PTPRD: variants seen among roughly 807,000 people sequenced by gnomAD.
PTPRD encodes protein tyrosine phosphatase receptor type D.
In PTPRD, 34 loss-of-function variants were observed where a neutral mutation model predicts 214.5. The ratio of observed to expected loss-of-function variants is 0.16; its 90% CI spans 0.12 to 0.21. PTPRD has a LOEUF of 0.21. Ranked by LOEUF, PTPRD falls within the 10% of genes least tolerant of loss-of-function variation. The probability of loss-of-function intolerance (pLI) is 1.00; values close to 1 mark genes in which losing one functional copy is unlikely to be tolerated. For missense variants in PTPRD, 2,545 were observed against 2,398.7 expected, an observed-to-expected ratio of 1.06 and a Z score of -1.27; for synonymous variants, 1,128 against 845.7, an observed-to-expected ratio of 1.33 and a Z score of -5.79.
intron 2 of PTPRD, among the ~76,000 whole-genome samples, chr9:10,563,269 C>G (rs139812163): frequency 5.5e-4 from 84 of 152,240 alleles, no homozygotes; most frequent in African/African-American, 1.9e-3. Flanking sequence ...AGAAAGGAAT[C>G]CTTTCCTTTT....
chr9:10,085,053 T>A (rs1168928351), intron 3 of PTPRD, among the ~76,000 whole-genome samples: 1 of 151,110 alleles, frequency 6.6e-6, no homozygotes, highest in African/African-American at 2.5e-5. Context: ...GGGTGTGTAG[T>A]ATGGTGGGCT....
rs927507287 is a variant in PTPRD at position 9,380,366 on chromosome 9, T to G, written c.-203+17083A>C. On this transcript the variant is annotated intron_variant, in intron 9 of 45. Transcript: ENST00000381196. ...AAGAATGCAATTTATTATTTATATATTTGTTTTTAATTTTAATTTTTGTGG... is the reference window on the plus strand; with the variant it reads ...AAGAATGCAATTTATTATTTATATAGTTGTTTTTAATTTTAATTTTTGTGG... 2.0e-5 allele frequency among the ~76,000 whole-genome samples: 3 copies of G among 152,120 alleles called. No individual in the cohort carries two copies. In the East Asian group the frequency reaches 5.8e-4, roughly 29 times the overall value.
intron 39 of PTPRD, among the ~76,000 whole-genome samples, chr9:8,375,482 A>T (rs1289865112): frequency 6.6e-6 from 1 of 152,062 alleles, no homozygotes; most frequent in Non-Finnish European, 1.5e-5. Context: ...AGGCATCTTT[A>T]AGCAATAAGA....
chr9:9,732,486 C>T (rs1277832168), intron 7 of PTPRD, among the ~76,000 whole-genome samples: 1 of 152,022 alleles, frequency 6.6e-6, no homozygotes, highest in African/African-American at 2.4e-5. Flanking sequence ...ATTGGAAATT[C>T]ATACTGACAA....
rs566414644 is a variant in PTPRD, at chr9:8,416,166, T to A, written c.4087-11506A>T. On this transcript the variant is annotated intron_variant, in intron 35 of 45. Transcript: ENST00000381196. ...AGCCTTAATATAATAGTAGATTATA[T>A]GAAAAAGTGTGAAGCTATTAAAATT... Among the ~76,000 whole-genome samples the A allele has an allele frequency of 4.6e-5, 7 of 152,230 alleles. No individual in the cohort carries two copies. In the South Asian group the frequency reaches 1.4e-3, roughly 32 times the overall value.
intron 11 of PTPRD, among the ~76,000 whole-genome samples, chr9:8,918,103 C>T (rs2098799395): frequency 6.6e-6 from 1 of 152,152 alleles, no homozygotes; most frequent in Non-Finnish European, 1.5e-5. Flanking sequence ...AGTTGCTAAT[C>T]ACACTCACCT....
At chr9:10,016,494 G>T (rs535706306) in intron 4 of PTPRD, among the ~76,000 whole-genome samples, 20 of 152,210 alleles carry the variant, frequency 1.3e-4, no homozygotes, top group Admixed American at 1.0e-3. Context: ...AAAACTGTGG[G>T]TGAAAGTTAG....
In PTPRD at chr9:9,290,139, A is replaced by G. The variant is rs146111761; in HGVS notation, c.-202-106776T>C. Among the ~76,000 whole-genome samples the G allele has an allele frequency of 7.6e-3, 1,161 of 151,770 alleles. 14 individuals are homozygous for G. Among genetic ancestry groups the G allele is most frequent in the African/African-American group, 0.027 (1,112 of 41,490 alleles). On this transcript the variant is annotated intron_variant, in intron 9 of 45. Coordinates refer to ENST00000381196, the MANE Select transcript of PTPRD (RefSeq NM_002839.4). ...ACACTTGTTACCTCTTGTCTTTTTC[A>G]TAATAGCCATTCAAACAGATGTGAG...
rs10977444 is a variant in PTPRD at position 9,016,923 on chromosome 9, G to A, written c.-104+1774C>T. ...GAAGATAAAGTGGCTCTTAATGGTG[G>A]TGCTGGGATTTTACTCAGTATTTTG... On this transcript the variant is annotated intron_variant, in intron 11 of 45. Coordinates refer to ENST00000381196, the MANE Select transcript of PTPRD (RefSeq NM_002839.4). Among the ~76,000 whole-genome samples, 1,001 of 152,036 alleles carry A rather than the reference G, an allele frequency of 6.6e-3. 7 individuals are homozygous for A. The highest frequency in any genetic ancestry group is 0.011 in the Non-Finnish European group (770 of 68,020).
At chr9:8,749,651 T>C (rs985081356) in intron 11 of PTPRD, among the ~76,000 whole-genome samples, 2 of 152,366 alleles carry the variant, frequency 1.3e-5, no homozygotes, top group Non-Finnish European at 2.9e-5. Flanking sequence ...AATGTCCTCA[T>C]GTTATCATTG....
chr9:8,668,191 T>C (rs1195203676), intron 12 of PTPRD, among the ~76,000 whole-genome samples: 3 of 152,078 alleles, frequency 2.0e-5, no homozygotes, highest in Non-Finnish European at 4.4e-5. Context: ...CCAAGAACAG[T>C]GTCATGCTAC....
At chr9:9,603,474 C>A (rs764898875) in intron 7 of PTPRD, among the ~76,000 whole-genome samples, 3 of 152,180 alleles carry the variant, frequency 2.0e-5, no homozygotes, top group Non-Finnish European at 4.4e-5. Flanking sequence ...CCTAAGGACA[C>A]AGACTTGAAC....
At chr9:9,595,291 TATATA>T (rs1563935391) in intron 7 of PTPRD, among the ~76,000 whole-genome samples, 144 of 3,092 alleles carry the variant, frequency 0.047, 2 homozygotes, top group African/African-American at 0.081. Flanking sequence ...ATATATATTA[TATATA>T]TATATATATA....
At position 9,504,478 on chromosome 9, in the gene PTPRD, A is replaced by G. The variant is rs527300053; in HGVS notation, c.-237+70254T>C. On this transcript the variant is annotated intron_variant, in intron 8 of 45. Coordinates refer to ENST00000381196, the MANE Select transcript of PTPRD (RefSeq NM_002839.4). ...CCAACACACATTTACTATGGTTTCA[A>G]AAAACAGGTGTTAAAGAAACTCACT... Among the ~76,000 whole-genome samples, 4 of 151,794 alleles carry G rather than the reference A, an allele frequency of 2.6e-5. No homozygotes were observed. The South Asian group carries it at 8.3e-4, about 31-fold the overall frequency.
chr9:9,937,760 A>T (rs1223755125), intron 5 of PTPRD, among the ~76,000 whole-genome samples: 1 of 152,150 alleles, frequency 6.6e-6, no homozygotes, highest in African/African-American at 2.4e-5. Flanking sequence ...CCCATAAGTT[A>T]TGTGTAGGCC....
At chr9:8,611,030 G>C (rs1289429851) in intron 14 of PTPRD, among the ~76,000 whole-genome samples, 1 of 151,956 alleles carries the variant, frequency 6.6e-6, no homozygotes, top group Non-Finnish European at 1.5e-5. Flanking sequence ...TAAATTTATG[G>C]TTTATTCTTT....
intron 5 of PTPRD, among the ~76,000 whole-genome samples, chr9:9,828,389 A>G (rs1390865467): frequency 6.6e-6 from 1 of 152,130 alleles, no homozygotes; most frequent in Non-Finnish European, 1.5e-5. Flanking sequence ...TTCTCAGTAA[A>G]CTATCACAAG....
intron 9 of PTPRD, among the ~76,000 whole-genome samples, chr9:9,389,916 C>G (rs916187467): frequency 6.6e-6 from 1 of 152,008 alleles, no homozygotes; most frequent in African/African-American, 2.4e-5. Flanking sequence ...AAAGGCTGGA[C>G]AAATAAATAG....
At chr9:9,662,253 T>G (rs141939483) in intron 7 of PTPRD, among the ~76,000 whole-genome samples, 222 of 151,694 alleles carry the variant, frequency 1.5e-3, no homozygotes, top group African/African-American at 4.9e-3. Context: ...ACAAAACCAT[T>G]ACCTAATTGT....
Sources: gnomAD v4.1 joint callset for allele counts (sites outside exome capture counted in the v4.1 genomes callset) on GRCh38, gnomAD v4.1.1 for gene constraint, MANE v1.5 for transcripts, NCBI Gene and HGNC (gene_info 2026-07-23, HGNC 2026-07-21) for gene names.